RYR2: variants seen among roughly 807,000 people sequenced by gnomAD.
RYR2 encodes ryanodine receptor 2.
A neutral mutation model predicts 601.1 loss-of-function variants in RYR2; 227 were observed. The ratio of observed to expected loss-of-function variants is 0.38; its 90% confidence interval spans 0.34 to 0.42. The LOEUF is 0.42. Ranked by LOEUF, RYR2 falls within the 10% of genes least tolerant of loss-of-function variation. The pLI is 1.00. For synonymous variants in RYR2, 2,223 were observed against 2,175.1 expected (o/e 1.02, Z -0.61); for missense variants, 4,646 against 6,156.5 (o/e 0.75, Z 8.21).
chr1:237,056,527 GC>G (rs1662103335), intron 1 of RYR2, among the ~76,000 whole-genome samples: 4 of 139,968 alleles, frequency 2.9e-5, no homozygotes, highest in Non-Finnish European at 1.5e-5. Flanking sequence ...GAGGACTGGA[GC>G]ACTGCGTCTG....
At chr1:237,780,607 A>ATGTT (rs1695023715) in intron 88 of RYR2, among the ~76,000 whole-genome samples, 1 of 152,220 alleles carries the variant, frequency 6.6e-6, no homozygotes, top group Non-Finnish European at 1.5e-5. Context: ...AAGCGTAGTG[A>ATGTT]TGTTTAGACA....
chr1:237,074,932 G>A lies in RYR2; in HGVS notation c.48+32363G>A, dbSNP rs577918243. On this transcript the variant is annotated intron_variant, in intron 1 of 104. Transcript: ENST00000366574. Reference sequence around the variant, plus strand: ...ATGTCTAGGTAGAAATACTGAACATGCAGCTGGATTGTGCAGCCAGGTCTC... The same window carrying A: ...ATGTCTAGGTAGAAATACTGAACATACAGCTGGATTGTGCAGCCAGGTCTC... Among the ~76,000 whole-genome samples the A allele has an allele frequency of 3.3e-5, 5 of 152,302 alleles. No homozygotes were observed. The South Asian group carries it at 1.0e-3, about 32-fold the overall frequency.
chr1:237,789,953 T>G (rs906993992), intron 92 of RYR2, among the ~76,000 whole-genome samples: 3 of 152,188 alleles, frequency 2.0e-5, no homozygotes, highest in African/African-American at 4.8e-5. Flanking sequence ...CTTGTTCTAA[T>G]AAGCTCTGGC....
rs527259480 is a variant in RYR2 at position 237,358,919 on chromosome 1, G to A, written c.294+2934G>A. Among the ~76,000 whole-genome samples the A allele has an allele frequency of 2.6e-5, 4 of 152,170 alleles. No homozygotes were observed. The East Asian group carries it at 7.7e-4, about 29-fold the overall frequency. On this transcript the variant is annotated intron_variant, in intron 4 of 104. Coordinates refer to ENST00000366574, the MANE Select transcript of RYR2 (RefSeq NM_001035.3). ...CAAGAAACCATTTCTTTGCTGCCTGGCCTCTAATAATACACTGGGGGTGGG... is the reference window on the plus strand; with the variant it reads ...CAAGAAACCATTTCTTTGCTGCCTGACCTCTAATAATACACTGGGGGTGGG...
intron 1 of RYR2, among the ~76,000 whole-genome samples, chr1:237,212,860 C>T (rs1024068929): frequency 5.3e-5 from 8 of 151,240 alleles, no homozygotes; most frequent in Admixed American, 1.3e-4. Flanking sequence ...CTGCAACCTC[C>T]GCCTCCCAGG....
At chr1:237,551,518 A>G (rs986745966) in intron 27 of RYR2, among the ~76,000 whole-genome samples, 2 of 124,840 alleles carry the variant, frequency 1.6e-5, no homozygotes, top group African/African-American at 5.9e-5. Flanking sequence ...GTGACAGAGC[A>G]AGACTCCGTC....
chr1:237,617,249 A>G (rs377277395), intron 37 of RYR2, 37 bp from the exon 38 acceptor site: 1 of 1,530,954 alleles, frequency 6.5e-7, no homozygotes, highest in African/African-American at 1.4e-5. Context: ...TAAAGGATTT[A>G]GAAATTAAAT....
rs975651240 is a variant in RYR2, at chr1:237,610,297, C to T, written c.4684-465C>T. 3.9e-5 allele frequency among the ~76,000 whole-genome samples: 6 copies of T among 152,176 alleles called. No individual in the cohort carries two copies. Among genetic ancestry groups the T allele is most frequent in the Non-Finnish European group, 7.3e-5 (5 of 68,030 alleles). ...TATCTGTTGAGCTTTATCTGGAATA[C>T]TTCTGGCTAGAGGAAGTGTCTTAAG... On this transcript the variant is annotated intron_variant, in intron 35 of 104. Transcript: ENST00000366574. The surrounding 1 kb of genome is among the most constrained non-coding windows in gnomAD (Gnocchi z 4.9).
At chr1:237,136,531 G>T (rs1672796671) in intron 1 of RYR2, among the ~76,000 whole-genome samples, 1 of 152,182 alleles carries the variant, frequency 6.6e-6, no homozygotes. Context: ...GCAGGACTCA[G>T]ACAGGCCTCC....
chr1:237,744,924 G>A (rs529175734), intron 80 of RYR2, among the ~76,000 whole-genome samples: 8 of 151,302 alleles, frequency 5.3e-5, no homozygotes, highest in South Asian at 2.1e-4. Context: ...AGCCTCCCGA[G>A]TAGCTAGGAC....
chr1:237,608,366 TGAG>T (rs1268278795), intron 35 of RYR2, among the ~76,000 whole-genome samples: 1 of 152,046 alleles, frequency 6.6e-6, no homozygotes, highest in Non-Finnish European at 1.5e-5. Context: ...CTTTTGTTAA[TGAG>T]GAGGGCTTTG....
Position 237,048,758 on chromosome 1 carries a change from C to T in RYR2, c.48+6189C>T, listed in dbSNP as rs529187042. On this transcript the variant is annotated intron_variant, in intron 1 of 104. Transcript: ENST00000366574. ...TGATGCTCTGTGGGTGAGTTGGGAC[C>T]GTGTTGGGCATCGGTTTCCCATGAT... Among the ~76,000 whole-genome samples the T allele has an allele frequency of 5.0e-4, 76 of 152,200 alleles. 1 individual carries two copies. The highest frequency in any genetic ancestry group is 9.2e-4 in the Admixed American group (14 of 15,296).
At chr1:237,645,080 A>G (rs1450482775) in intron 48 of RYR2, among the ~76,000 whole-genome samples, 1 of 152,144 alleles carries the variant, frequency 6.6e-6, no homozygotes, top group Non-Finnish European at 1.5e-5. Flanking sequence ...TGCATGCTAT[A>G]TATATTCCTT....
At chr1:237,296,202 G>A (rs868678304) in intron 2 of RYR2, among the ~76,000 whole-genome samples, 50 of 152,274 alleles carry the variant, frequency 3.3e-4, no homozygotes, top group South Asian at 1.4e-3. Context: ...GGTGAAGGGG[G>A]TAAGTGGTAT....
intron 42 of RYR2, among the ~76,000 whole-genome samples, chr1:237,631,904 A>G (rs1388625209): frequency 2.0e-5 from 3 of 151,924 alleles, no homozygotes. Flanking sequence ...AAGTGCTGGG[A>G]TTACAGGCGT....
intron 16 of RYR2, among the ~76,000 whole-genome samples, chr1:237,460,337 A>C (rs372415374): frequency 6.6e-6 from 1 of 152,302 alleles, no homozygotes. Context: ...TGGCAAGAGT[A>C]GGGAAATTTT....
At chr1:237,804,059 GT>G (rs1276637435) in intron 98 of RYR2, among the ~76,000 whole-genome samples, 4 of 152,154 alleles carry the variant, frequency 2.6e-5, no homozygotes, top group Non-Finnish European at 5.9e-5. Context: ...GAGACCATGT[GT>G]GCAAATATAT....
intron 38 of RYR2, among the ~76,000 whole-genome samples, chr1:237,622,610 G>A (rs189670871): frequency 6.6e-6 from 1 of 152,196 alleles, no homozygotes; most frequent in East Asian, 1.9e-4. Flanking sequence ...TCAACCAACT[G>A]TATATTGAAA....
At chr1:237,725,429 A>G (rs1211542031) in intron 74 of RYR2, among the ~76,000 whole-genome samples, 2 of 152,242 alleles carry the variant, frequency 1.3e-5, no homozygotes, top group South Asian at 2.1e-4. Flanking sequence ...ACGTCAGTGT[A>G]AAAAACAGTA....
Sources: allele counts gnomAD v4.1 joint callset (sites outside exome capture counted in the v4.1 genomes callset), GRCh38; gene constraint gnomAD v4.1.1; non-coding constraint Gnocchi (gnomAD v3.1); transcripts MANE v1.5; gene names NCBI Gene and HGNC (gene_info 2026-07-23, HGNC 2026-07-21).